Variants in ASCC1 observed in about 807,000 individuals in gnomAD.
ASCC1 encodes ASC-1 complex subunit P50.
A neutral mutation model predicts 46.6 loss-of-function variants in ASCC1; 35 were observed. The observed-to-expected ratio is 0.75, with a 90% CI of 0.57 to 0.99. The LOEUF (loss-of-function observed/expected upper bound fraction) is 0.99. Among genes scored for constraint, ASCC1 ranks in the 50% least tolerant of loss-of-function variants. The probability of loss-of-function intolerance (pLI) is 0.00; values close to 1 mark genes in which losing one functional copy is unlikely to be tolerated. For missense variants in ASCC1, 376 were observed against 428.7 expected, an observed-to-expected ratio of 0.88 and a Z score of 1.09; for synonymous variants, 143 against 146.6, an observed-to-expected ratio of 0.98 and a Z score of 0.18.
chr10:72,213,305 T>G lies in ASCC1; in HGVS notation c.-7A>C. The G allele has an allele frequency of 6.3e-7, 1 of 1,592,704 alleles. No individual in the cohort carries two copies. The highest frequency in any genetic ancestry group is 8.6e-7 in the Non-Finnish European group (1 of 1,160,858). On this transcript the variant is annotated 5_prime_UTR_variant, in exon 2 of 10. Coordinates refer to ENST00000672957, the MANE Select transcript of ASCC1 (RefSeq NM_001198800.3). The stretch of plus-strand genomic sequence containing the variant: ...GTGGACGCAGAACTTCCATGACACT[T>G]TCTCCAAATGATATTCCAATTATGC...
intron 1 of ASCC1, among the ~76,000 whole-genome samples, chr10:72,215,281 C>T (rs1264331390): frequency 6.6e-6 from 1 of 152,188 alleles, no homozygotes; most frequent in African/African-American, 2.4e-5. Context: ...CGCCTGTAGT[C>T]CCAACTACTG....
rs772662515 is a variant in ASCC1, at chr10:72,173,448, A to G, written c.490-11774T>C. ...TGGGAAACAAAACACACAGAAGGCA[A>G]TGGAGCAAGACAAGGTACAGACAGG... On this transcript the variant is annotated intron_variant, in intron 5 of 9. Coordinates refer to ENST00000672957, the MANE Select transcript of ASCC1 (RefSeq NM_001198800.3). Among the ~76,000 whole-genome samples, 57 of 152,214 alleles carry G rather than the reference A, an allele frequency of 3.7e-4. 1 individual carries two copies. The highest frequency in any genetic ancestry group is 6.5e-4 in the Non-Finnish European group (44 of 68,042).
At chr10:72,156,257 G>A (rs1476914538) in intron 6 of ASCC1, among the ~76,000 whole-genome samples, 1 of 152,186 alleles carries the variant, frequency 6.6e-6, no homozygotes, top group Non-Finnish European at 1.5e-5. Flanking sequence ...TGATGTGCTT[G>A]ATCCCCTTCA....
chr10:72,097,165 G>T lies in ASCC1; in HGVS notation c.*169C>A, dbSNP rs551661980. On this transcript the variant is annotated 3_prime_UTR_variant, in exon 10 of 10. Transcript: ENST00000672957. ...CTTATGCCCACCACCATCTCAGCTG[G>T]TAGTATGACGGGTGTAGACACCATT... is the stretch of plus-strand genomic sequence containing the variant. 6 of 713,474 alleles carry T rather than the reference G, an allele frequency of 8.4e-6. No homozygotes were observed. The highest frequency in any genetic ancestry group is 1.6e-5 in the Non-Finnish European group (6 of 382,138). The allele number at this position is 713,474 out of a possible 1,614,324, so 44.2% of individuals were successfully genotyped here.
At chr10:72,178,507 G>A (rs1292066169) in intron 5 of ASCC1, among the ~76,000 whole-genome samples, 4 of 152,110 alleles carry the variant, frequency 2.6e-5, no homozygotes, top group Non-Finnish European at 5.9e-5. Context: ...TCAAGGAAAC[G>A]GCACTTTCAG....
intron 5 of ASCC1, chr10:72,189,802 CAAAAAAAAAA>C (rs996153326): frequency 3.0e-5 from 5 of 167,942 alleles, no homozygotes; most frequent in African/African-American, 1.6e-4. Context: ...AACTCCATCT[CAAAAAAAAAA>C]AAAAAAAAAA....
intron 7 of ASCC1, among the ~76,000 whole-genome samples, chr10:72,151,491 T>C (rs1848321053): frequency 6.6e-6 from 1 of 151,886 alleles, no homozygotes; most frequent in Non-Finnish European, 1.5e-5. Flanking sequence ...AAATACCTAA[T>C]GTAAATGACG....
At chr10:72,173,531 AAAT>A (rs1409713266) in intron 5 of ASCC1, among the ~76,000 whole-genome samples, 2 of 152,312 alleles carry the variant, frequency 1.3e-5, no homozygotes, top group African/African-American at 4.8e-5. Flanking sequence ...ATAAGGGTTC[AAAT>A]AATCCTTAAC....
At chr10:72,179,659 G>A (rs1852313206) in intron 5 of ASCC1, among the ~76,000 whole-genome samples, 1 of 152,174 alleles carries the variant, frequency 6.6e-6, no homozygotes, top group Non-Finnish European at 1.5e-5. Flanking sequence ...TCAGTGAAAT[G>A]AGATATAAAT....
intron 7 of ASCC1, among the ~76,000 whole-genome samples, chr10:72,148,348 G>T (rs1847887483): frequency 6.6e-6 from 1 of 152,232 alleles, no homozygotes; most frequent in South Asian, 2.1e-4. Context: ...TAAGTAGATG[G>T]CTGTCTGGAA....
chr10:72,140,911 C>CCA (rs1846887164), intron 7 of ASCC1, among the ~76,000 whole-genome samples: 8 of 152,034 alleles, frequency 5.3e-5, no homozygotes, highest in Admixed American at 5.2e-4. Context: ...TCTTTCTGTC[C>CCA]CATAAGCACA....
intron 5 of ASCC1, among the ~76,000 whole-genome samples, chr10:72,193,675 T>C (rs1349033278): frequency 2.6e-5 from 4 of 152,274 alleles, no homozygotes; most frequent in African/African-American, 4.8e-5. Flanking sequence ...CCCAAAAAAG[T>C]CCATTTTAAT....
At chr10:72,181,306 A>G (rs1237820095) in intron 5 of ASCC1, among the ~76,000 whole-genome samples, 1 of 152,130 alleles carries the variant, frequency 6.6e-6, no homozygotes, top group East Asian at 1.9e-4. Flanking sequence ...TGAGTCTAAT[A>G]TATCAACAGT....
At chr10:72,173,491 G>A (rs965702439) in intron 5 of ASCC1, among the ~76,000 whole-genome samples, 2 of 152,124 alleles carry the variant, frequency 1.3e-5, no homozygotes, top group Non-Finnish European at 2.9e-5. Flanking sequence ...AGGGTCACAC[G>A]ATCGAAAGTC....
At chr10:72,138,755 AG>A (rs1846590951) in intron 7 of ASCC1, among the ~76,000 whole-genome samples, 1 of 151,996 alleles carries the variant, frequency 6.6e-6, no homozygotes, top group African/African-American at 2.4e-5. Flanking sequence ...TGTTTTTAGC[AG>A]AGATGGGGTT....
At position 72,203,485 on chromosome 10, in the gene ASCC1, T is replaced by TA. The variant is rs1856787943; in HGVS notation, c.251dup (p.Glu85ArgfsTer9). The TA allele has an allele frequency of 1.2e-6, 2 of 1,613,384 alleles. No individual in the cohort carries two copies. The highest frequency in any genetic ancestry group is 1.7e-6 in the Non-Finnish European group (2 of 1,179,568). On this transcript the variant is annotated frameshift_variant, in exon 4 of 10. Transcript: ENST00000672957. LOFTEE classifies it high-confidence loss of function. The stretch of plus-strand genomic sequence containing the variant: ...TAATAGAAGTTTTGGTCTCCATTTC[T>TA]ATTTTCTTCCTAGTGTCCCCTCTCT...
At position 72,172,012 on chromosome 10, in the gene ASCC1, T is replaced by C. The variant is rs188858406; in HGVS notation, c.490-10338A>G. 8.0e-4 allele frequency among the ~76,000 whole-genome samples: 122 copies of C among 152,338 alleles called. 1 individual carries two copies. In the Middle Eastern group the frequency reaches 0.01, roughly 13 times the overall value. ...GGCAAGACAAGGAAGTCTAGGGTGC[T>C]GATAAGATTGTATCTCCAGCCTACA... On this transcript the variant is annotated intron_variant, in intron 5 of 9. Transcript: ENST00000672957.
chr10:72,101,704 T>A (rs1841781938), intron 9 of ASCC1, among the ~76,000 whole-genome samples: 1 of 152,034 alleles, frequency 6.6e-6, no homozygotes, highest in Admixed American at 6.6e-5. Context: ...TGGCCCAAGA[T>A]GAAAACCATG....
rs976617998 is a variant in ASCC1 at position 72,196,875 on chromosome 10, T to C, written c.425A>G (p.Asn142Ser). 16 of 1,613,508 alleles carry C rather than the reference T, an allele frequency of 9.9e-6. No individual in the cohort carries two copies. The highest frequency in any genetic ancestry group is 2.2e-5 in the East Asian group (1 of 44,888). ...GAATCCTTCCTGAACCTCAACTTCA[T>C]TGAGGAAAAAGGCAAGGAAGTGAGT... ...PFTHFLAFFL[N>S]EVEVQEGFLR... is the part of the protein sequence containing the mutation. The change falls in exon 5 of 10, where the codon AAT (asparagine) becomes AGT (serine). Residue 142 changes from asparagine to serine, a missense_variant. Asn to Ser is a conservative substitution (Grantham distance 46). Transcript: ENST00000672957.
Sources: allele counts gnomAD v4.1 joint callset (sites outside exome capture counted in the v4.1 genomes callset), GRCh38; gene constraint gnomAD v4.1.1; transcripts MANE v1.5; gene names NCBI Gene and HGNC (gene_info 2026-07-23, HGNC 2026-07-21).